The following CORO1C variants were observed in gnomAD, a reference collection of about 807,000 sequenced individuals.
CORO1C encodes coronin 1C.
A neutral mutation model predicts 51.2 loss-of-function variants in CORO1C; 14 were observed. That is an observed-to-expected ratio of 0.27 (90% CI 0.18 to 0.43). The LOEUF (loss-of-function observed/expected upper bound fraction) is 0.43. Among genes scored for constraint, CORO1C ranks in the 20% least tolerant of loss-of-function variants. The pLI, the probability that CORO1C is intolerant of heterozygous loss-of-function variation, is 1.00. For missense variants in CORO1C, 417 were observed against 607.8 expected (o/e 0.69, Z 3.30); for synonymous variants, 181 against 210.5 (o/e 0.86, Z 1.21).
chr12:108,711,315 G>GTC (rs2035173846), intron 1 of CORO1C, among the ~76,000 whole-genome samples: 1 of 152,000 alleles, frequency 6.6e-6, no homozygotes. Context: ...GGCTGCAGTG[G>GTC]GCCATGATCA....
intron 2 of CORO1C, 23 bp from the exon 3 acceptor site, chr12:108,678,417 C>T (rs1381243384): frequency 6.5e-7 from 1 of 1,547,788 alleles, no homozygotes; most frequent in Non-Finnish European, 8.8e-7. Flanking sequence ...AGAAACAAAC[C>T]TATTATGTAA....
intron 1 of CORO1C, among the ~76,000 whole-genome samples, chr12:108,713,467 G>A (rs1182055406): frequency 1.3e-5 from 2 of 152,188 alleles, no homozygotes; most frequent in Non-Finnish European, 2.9e-5. Context: ...TGCCAAGAAT[G>A]AGGCATACCA....
chr12:108,657,116 G>C (rs2033060520), intron 6 of CORO1C, among the ~76,000 whole-genome samples, 188 bp downstream of exon 6: 1 of 152,124 alleles, frequency 6.6e-6, no homozygotes, highest in African/African-American at 2.4e-5. Flanking sequence ...AGTATCAAAA[G>C]TATGTCTTTG....
chr12:108,678,350 T>C lies in CORO1C; in HGVS notation c.240A>G (p.Thr80=), dbSNP rs1291197900. ...ACCAGTCTATGTCCAGCACTGGTCC[T>C]GTGTGGCCACATACTGTAGGGTAAG... The part of the protein sequence containing the change: ...DKSYPTVCGH[T]GPVLDIDWCP... The change falls in exon 3 of 11, where the codon ACA becomes ACG. Residue 80 remains threonine (T), a synonymous_variant. Transcript: ENST00000261401. 4 of 1,606,700 alleles carry C rather than the reference T, an allele frequency of 2.5e-6. No individual in the cohort carries two copies. The highest frequency in any genetic ancestry group is 1.7e-5 in the Admixed American group (1 of 59,148).
At chr12:108,691,384 T>A (rs1592911071) in intron 2 of CORO1C, among the ~76,000 whole-genome samples, 2 of 152,204 alleles carry the variant, frequency 1.3e-5, no homozygotes, top group Non-Finnish European at 2.9e-5. Context: ...TCCAGAAATG[T>A]GTTCATGACA....
At chr12:108,720,977 G>A (rs904137772) in intron 1 of CORO1C, among the ~76,000 whole-genome samples, 2 of 152,014 alleles carry the variant, frequency 1.3e-5, no homozygotes, top group African/African-American at 4.8e-5. Flanking sequence ...TATGCACCAG[G>A]CAATATGCTA....
chr12:108,679,689 A>G (rs1288205623), intron 2 of CORO1C, among the ~76,000 whole-genome samples: 3 of 152,210 alleles, frequency 2.0e-5, no homozygotes, highest in Non-Finnish European at 4.4e-5. Flanking sequence ...CTCCAATTTG[A>G]CTTGACTGTG....
At position 108,728,064 on chromosome 12, in the gene CORO1C, G is replaced by C. The variant is rs140719474; in HGVS notation, c.-6+3365C>G. Among the ~76,000 whole-genome samples the C allele has an allele frequency of 4.4e-3, 666 of 152,304 alleles. 10 individuals carry two copies. The highest frequency in any genetic ancestry group is 0.015 in the African/African-American group (610 of 41,564). ...GTCAGAGAGTAACAAGTGTTGGCAA[G>C]AATGTGGAGAATTTAGAACCTTCAT... On this transcript the variant is annotated intron_variant, in intron 1 of 10. Transcript: ENST00000261401.
At chr12:108,724,740 G>A (rs1182621826) in intron 1 of CORO1C, among the ~76,000 whole-genome samples, 1 of 152,050 alleles carries the variant, frequency 6.6e-6, no homozygotes, top group Non-Finnish European at 1.5e-5. Flanking sequence ...TGACCAAAGG[G>A]GAAAAAATAT....
At chr12:108,713,105 A>G (rs1162853693) in intron 1 of CORO1C, among the ~76,000 whole-genome samples, 2 of 152,110 alleles carry the variant, frequency 1.3e-5, no homozygotes, top group Non-Finnish European at 2.9e-5. Flanking sequence ...TGCCTTACCT[A>G]TTTTAATAGA....
At chr12:108,691,021 C>T (rs2034476773) in intron 2 of CORO1C, among the ~76,000 whole-genome samples, 1 of 151,688 alleles carries the variant, frequency 6.6e-6, no homozygotes, top group Non-Finnish European at 1.5e-5. Context: ...TGGTTTAATC[C>T]ACAGGTCTCA....
intron 2 of CORO1C, among the ~76,000 whole-genome samples, chr12:108,689,943 T>C (rs1204663447): frequency 6.6e-6 from 1 of 152,240 alleles, no homozygotes; most frequent in Non-Finnish European, 1.5e-5. Flanking sequence ...CCATTCACAC[T>C]GTGCAGAGTT....
intron 2 of CORO1C, among the ~76,000 whole-genome samples, chr12:108,681,681 G>C (rs1214464520): frequency 6.6e-6 from 1 of 151,952 alleles, no homozygotes; most frequent in African/African-American, 2.4e-5. Context: ...ATTTACCATG[G>C]GTAAACCCTT....
At chr12:108,715,948 C>G (rs754397581) in intron 1 of CORO1C, among the ~76,000 whole-genome samples, 1 of 151,326 alleles carries the variant, frequency 6.6e-6, no homozygotes, top group Non-Finnish European at 1.5e-5. Context: ...CTGGCTAACA[C>G]GGTGAAACCC....
At chr12:108,726,251 A>G (rs1020611667) in intron 1 of CORO1C, among the ~76,000 whole-genome samples, 2 of 152,034 alleles carry the variant, frequency 1.3e-5, no homozygotes, top group African/African-American at 4.8e-5. Flanking sequence ...TCCCATCTCT[A>G]CTAAAAAATA....
chr12:108,726,563 A>G lies in CORO1C; in HGVS notation c.-6+4866T>C, dbSNP rs145564427. Among the ~76,000 whole-genome samples, 40 of 151,940 alleles carry G rather than the reference A, an allele frequency of 2.6e-4. No individual in the cohort carries two copies. The East Asian group carries it at 7.3e-3, about 28-fold the overall frequency. Reference sequence around the variant, plus strand: ...GGTGCATCACGCCTATAATCCTAGCACTTTCGGAGGCTAAGGTAGGAGACT... The same window carrying G: ...GGTGCATCACGCCTATAATCCTAGCGCTTTCGGAGGCTAAGGTAGGAGACT... On this transcript the variant is annotated intron_variant, in intron 1 of 10. Coordinates refer to ENST00000261401, the MANE Select transcript of CORO1C (RefSeq NM_014325.4).
chr12:108,655,062 T>A (rs963903227), intron 6 of CORO1C, among the ~76,000 whole-genome samples: 13 of 144,628 alleles, frequency 9.0e-5, no homozygotes, highest in Non-Finnish European at 1.8e-4. Context: ...TTTAAAAAGT[T>A]GAAAGATATA....
chr12:108,662,051 G>A lies in CORO1C; in HGVS notation c.426C>T (p.Ala142=), dbSNP rs778590556. 2.5e-6 allele frequency: 4 copies of A among 1,614,142 alleles called. No individual in the cohort carries two copies. The East Asian group carries it at 8.9e-5, about 36-fold the overall frequency. Residue 142 remains alanine, a synonymous_variant, in exon 4 of 11, where the codon GCC becomes GCT. Coordinates refer to ENST00000261401, the MANE Select transcript of CORO1C (RefSeq NM_014325.4). ...RVGIVAWHPT[A]RNVLLSAGCD... ...CACCTGCACTAAGAAGCACATTGCG[G>A]GCCGTTGGATGCCAAGCCACGATGC...
At chr12:108,702,617 G>A (rs547071595) in intron 1 of CORO1C, among the ~76,000 whole-genome samples, 2 of 152,256 alleles carry the variant, frequency 1.3e-5, no homozygotes, top group African/African-American at 2.4e-5. Flanking sequence ...GTTCAACATC[G>A]ACAACTCAGC....
Sources: allele counts gnomAD v4.1 joint callset (sites outside exome capture counted in the v4.1 genomes callset), GRCh38; gene constraint gnomAD v4.1.1; transcripts MANE v1.5; gene names NCBI Gene and HGNC (gene_info 2026-07-23, HGNC 2026-07-21).